Variants in PTCD3 observed in about 807,000 individuals in gnomAD.
PTCD3 encodes small ribosomal subunit protein mS39.
In PTCD3, 89 loss-of-function variants were observed where a neutral mutation model predicts 101.9. The ratio of observed to expected loss-of-function variants is 0.87; its 90% CI spans 0.74 to 1.04. The LOEUF is 1.04. Among genes scored for constraint, PTCD3 ranks in the 50% least tolerant of loss-of-function variants. The pLI is 0.00. For synonymous variants in PTCD3, 296 were observed against 278.5 expected (o/e 1.06, Z -0.63); for missense variants, 870 against 828.2 (o/e 1.05, Z -0.62).
At chr2:86,125,105 T>C in intron 10 of PTCD3, 23 bp downstream of exon 10, 1 of 1,611,648 alleles carries the variant, frequency 6.2e-7, no homozygotes, top group Non-Finnish European at 8.5e-7. Context: ...TATTTATTTT[T>C]GTCTTTCATT....
Position 86,125,009 on chromosome 2 carries a change from C to G in PTCD3, c.731C>G (p.Ala244Gly), listed in dbSNP as rs375019928. 6.2e-7 allele frequency: 1 copy of G among 1,613,880 alleles called. No individual in the cohort carries two copies. The highest frequency in any genetic ancestry group is 8.5e-7 in the Non-Finnish European group (1 of 1,180,028). The change falls in exon 10 of 24, where the codon GCT becomes GGT. Residue 244 changes from alanine (A) to glycine (G), a missense_variant. By Grantham distance (60) the Ala-to-Gly change is moderately conservative (BLOSUM62 0). Coordinates refer to ENST00000254630, the MANE Select transcript of PTCD3 (RefSeq NM_017952.6). The part of the protein sequence containing the change: ...FGVTWRAKNN[A>G]ERIFSLMPEK... ...CTTGTGTCTAGAGCAAAAAACAACG[C>G]TGAGAGAATCTTTTCTCTAATGCCA... is the stretch of plus-strand genomic sequence containing the variant.
rs1418201023 is a variant in PTCD3 at position 86,139,193 on chromosome 2, T to C, written c.*1634T>C. ...GCTTATTTTATCATAGTCTTTAGCC[T>C]CTACTATGAGTAAAATGTTCTCTTC... On this transcript the variant is annotated 3_prime_UTR_variant, in exon 24 of 24. Transcript: ENST00000254630. 2.6e-5 allele frequency: 4 copies of C among 152,208 alleles called. No homozygotes were observed. The highest frequency in any genetic ancestry group is 9.7e-5 in the African/African-American group (4 of 41,446). 9.4% of individuals were successfully genotyped at this position (152,208 alleles called of 1,614,324 possible). A position where few individuals can be genotyped will look rare whatever the true frequency, so the allele number is the denominator to read the frequency against.
At chr2:86,121,354 G>A in intron 7 of PTCD3, 125 bp from the exon 8 acceptor site, 2 of 556,948 alleles carry the variant, frequency 3.6e-6, no homozygotes, top group Non-Finnish European at 6.3e-6. Context: ...ATAAAGTAGT[G>A]GACAACATTA....
intron 17 of PTCD3, chr2:86,132,771 A>C (rs907173949): frequency 6.8e-6 from 2 of 295,770 alleles, no homozygotes; most frequent in Non-Finnish European, 1.3e-5. Flanking sequence ...AGATGAAGAT[A>C]CTGGAACCTA....
intron 13 of PTCD3, 65 bp downstream of exon 13, chr2:86,127,370 A>G: frequency 6.7e-7 from 1 of 1,494,290 alleles, no homozygotes; most frequent in Non-Finnish European, 9.0e-7. Flanking sequence ...TCAGGGCTAC[A>G]TAAGCAAAGA....
chr2:86,127,774 T>C, intron 13 of PTCD3, 167 bp from the exon 14 acceptor site: 1 of 618,342 alleles, frequency 1.6e-6, no homozygotes, highest in South Asian at 2.0e-5. Context: ...GTTTTTTACC[T>C]TTACATTAAT....
intron 19 of PTCD3, 142 bp from the exon 20 acceptor site, chr2:86,134,149 TG>T: frequency 1.6e-6 from 1 of 613,064 alleles, no homozygotes; most frequent in Non-Finnish European, 2.9e-6. Context: ...CTGTGAATCC[TG>T]GTGGGTTTCT....
At chr2:86,123,553 G>A (rs1573853502) in intron 8 of PTCD3, 148 bp from the exon 9 acceptor site, 6 of 568,010 alleles carry the variant, frequency 1.1e-5, no homozygotes, top group South Asian at 7.9e-5. Flanking sequence ...AGGTGTAAGC[G>A]TAACTGGGCT....
intron 12 of PTCD3, among the ~76,000 whole-genome samples, chr2:86,126,300 A>G (rs1674388942): frequency 6.6e-6 from 1 of 151,894 alleles, no homozygotes; most frequent in Non-Finnish European, 1.5e-5. Flanking sequence ...TGTGTATGGC[A>G]GTCACTGTGT....
intron 14 of PTCD3, 95 bp downstream of exon 14, chr2:86,128,086 A>G (rs1674428552): frequency 9.5e-6 from 10 of 1,047,266 alleles, no homozygotes; most frequent in Middle Eastern, 2.1e-4. Context: ...TTCTCTGCAT[A>G]TGAATTAAGA....
At chr2:86,135,217 C>G (rs184450001) in intron 21 of PTCD3, 2 of 414,796 alleles carry the variant, frequency 4.8e-6, no homozygotes, top group African/African-American at 4.0e-5. Flanking sequence ...TTTCTACTTT[C>G]TGTGTCTATG....
At chr2:86,118,720 A>G (rs969273248) in intron 6 of PTCD3, among the ~76,000 whole-genome samples, 1 of 152,250 alleles carries the variant, frequency 6.6e-6, no homozygotes. Flanking sequence ...GATGATACAC[A>G]GCATTAGAGA....
intron 10 of PTCD3, 91 bp from the exon 11 acceptor site, chr2:86,125,364 G>A: frequency 7.4e-7 from 1 of 1,352,822 alleles, no homozygotes; most frequent in Non-Finnish European, 1.1e-6. Context: ...GATCTATTGA[G>A]CCTGAGCTAT....
At position 86,106,308 on chromosome 2, in the gene PTCD3, A is replaced by G; in HGVS notation, c.61A>G (p.Thr21Ala). The G allele has an allele frequency of 1.9e-6, 3 of 1,614,054 alleles. No individual in the cohort carries two copies. The highest frequency in any genetic ancestry group is 2.5e-6 in the Non-Finnish European group (3 of 1,179,994). ...GLRSRLGQPL[T>A]GRRAGLCEQA... Reference sequence around the variant, plus strand: ...CCGCAGCAGGCTTGGCCAGCCGCTGACGGGTCGGCGGGCGGGTTTGTGTGA... The same window carrying G: ...CCGCAGCAGGCTTGGCCAGCCGCTGGCGGGTCGGCGGGCGGGTTTGTGTGA... Residue 21 changes from threonine (T) to alanine (A), a missense_variant, in exon 1 of 24, where the codon ACG (threonine) becomes GCG (alanine). By Grantham distance (58) the Thr-to-Ala change is moderately conservative. Transcript: ENST00000254630.
chr2:86,135,864 T>TA (rs781020515), intron 21 of PTCD3: 1 of 510,328 alleles, frequency 2.0e-6, no homozygotes, highest in Non-Finnish European at 3.9e-6. Context: ...ACACACTTGA[T>TA]ACAACCAGGC....
Position 86,132,321 on chromosome 2 carries a change from T to C in PTCD3, c.1270T>C (p.Ser424Pro), listed in dbSNP as rs1267344029. Residue 424 changes from serine (S) to proline (P), a missense_variant, in exon 17 of 24, where the codon TCA becomes CCA. Coordinates refer to ENST00000254630, the MANE Select transcript of PTCD3 (RefSeq NM_017952.6). Reference protein sequence around the residue: ...KFFQSAMSICSSLRDLELAYQ... With the variant: ...KFFQSAMSICPSLRDLELAYQ... ...CTTACTACTTGCATATTTTCAGTGC[T>C]CATCTCTCAGAGATCTAGAACTTGC... The C allele has an allele frequency of 6.3e-7, 1 of 1,583,448 alleles. No homozygotes were observed. The highest frequency in any genetic ancestry group is 8.7e-7 in the Non-Finnish European group (1 of 1,154,408).
Position 86,137,812 on chromosome 2 carries a change from T to C in PTCD3, c.*253T>C. On this transcript the variant is annotated 3_prime_UTR_variant, in exon 24 of 24. Transcript: ENST00000254630. ...AGCAACATTGCGGTTTTCAGACACA[T>C]GGTGAGGTCCATGGCTCTTGTCATC... 1 of 406,320 alleles carries C rather than the reference T, an allele frequency of 2.5e-6. No homozygotes were observed. The highest frequency in any genetic ancestry group is 2.2e-5 in the South Asian group (1 of 46,068). The allele number at this position is 406,320 out of a possible 1,614,324, so 25.2% of individuals were successfully genotyped here. A position where few individuals can be genotyped will look rare whatever the true frequency, so the allele number is the denominator to read the frequency against.
At position 86,133,364 on chromosome 2, in the gene PTCD3, C is replaced by G. The variant is rs1674526831; in HGVS notation, c.1471C>G (p.Gln491Glu). 6.2e-7 allele frequency: 1 copy of G among 1,614,140 alleles called. No individual in the cohort carries two copies. The highest frequency in any genetic ancestry group is 8.5e-7 in the Non-Finnish European group (1 of 1,179,992). ...TAATCAGGCCTACTTTCCCCACTCCCAAACAATGATACATCTTCTCCAAGC... is the reference window on the plus strand; with the variant it reads ...TAATCAGGCCTACTTTCCCCACTCCGAAACAATGATACATCTTCTCCAAGC... The part of the protein sequence containing the change: ...LIPSAYFPHS[Q>E]TMIHLLQALD... Residue 491 changes from glutamine to glutamate, a missense_variant, in exon 19 of 24, where the codon CAA becomes GAA. Coordinates refer to ENST00000254630, the MANE Select transcript of PTCD3 (RefSeq NM_017952.6).
chr2:86,111,295 T>A, intron 4 of PTCD3, 137 bp downstream of exon 4: 1 of 896,242 alleles, frequency 1.1e-6, no homozygotes, highest in Non-Finnish European at 1.7e-6. Flanking sequence ...AAAGTTTCTT[T>A]AAAATTGTCT....
Sources: gnomAD v4.1 joint callset for allele counts (sites outside exome capture counted in the v4.1 genomes callset) on GRCh38, gnomAD v4.1.1 for gene constraint, MANE v1.5 for transcripts, NCBI Gene and HGNC (gene_info 2026-07-23, HGNC 2026-07-21) for gene names.